The following ACMSD variants were observed in gnomAD, a reference collection of about 807,000 sequenced individuals.
ACMSD encodes the protein aminocarboxymuconate semialdehyde decarboxylase, also known as 2-amino-3-carboxymuconate-6-semialdehyde decarboxylase.
ACMSD carries 37 observed loss-of-function variants against 45.9 expected under a neutral mutation model. The ratio of observed to expected loss-of-function variants is 0.81; its 90% CI spans 0.62 to 1.06. The LOEUF (loss-of-function observed/expected upper bound fraction) is 1.06, where lower values mean the gene tolerates loss of function less well. ACMSD is among the 50% of genes least tolerant of loss of function. ACMSD has a pLI of 0.00. For missense variants in ACMSD, 434 were observed against 420.9 expected, an observed-to-expected ratio of 1.03 and a Z score of -0.27; for synonymous variants, 138 against 148.8, an observed-to-expected ratio of 0.93 and a Z score of 0.53.
At chr2:134,850,882 C>T (rs1294754688) in intron 2 of ACMSD, among the ~76,000 whole-genome samples, 2 of 152,084 alleles carry the variant, frequency 1.3e-5, no homozygotes, top group Non-Finnish European at 2.9e-5. Context: ...ATGATTGAAC[C>T]CGCCACCCAG....
chr2:134,845,508 G>GTTCTCT lies in ACMSD; in HGVS notation c.102+231_102+232insTTCTCT, dbSNP rs1339823151. ...ATTGGAATTTGAGAACACATTAAAA[G>GTTCTCT]GTCTCTCTCTCTCTCTCTCTCTCTC... On this transcript the variant is annotated intron_variant, in intron 2 of 9. Coordinates refer to ENST00000356140, the MANE Select transcript of ACMSD (RefSeq NM_138326.3). Among the ~76,000 whole-genome samples, 610 of 81,000 alleles carry GTTCTCT rather than the reference G, an allele frequency of 7.5e-3. 3 individuals carry two copies. Among genetic ancestry groups the GTTCTCT allele is most frequent in the Middle Eastern group, 0.059 (6 of 102 alleles). The allele number at this position is 81,000 out of a possible 152,430, so 53.1% of individuals were successfully genotyped here.
intron 8 of ACMSD, among the ~76,000 whole-genome samples, chr2:134,884,089 T>G (rs566868343): frequency 4.0e-4 from 61 of 152,270 alleles, no homozygotes; most frequent in Non-Finnish European, 7.8e-4. Context: ...ATAACAGGTA[T>G]GAAAAATGAA....
chr2:134,859,426 AC>A, intron 3 of ACMSD, 69 bp downstream of exon 3: 2 of 1,472,072 alleles, frequency 1.4e-6, no homozygotes, highest in Non-Finnish European at 1.9e-6. Flanking sequence ...AAGTTTGCTG[AC>A]AACTTTATGT....
chr2:134,886,623 A>T (rs1205790925), intron 8 of ACMSD, among the ~76,000 whole-genome samples: 3 of 151,678 alleles, frequency 2.0e-5, no homozygotes, highest in Admixed American at 6.6e-5. Flanking sequence ...AGATTGTCAT[A>T]AAAAAAATCA....
chr2:134,840,759 T>G (rs1175127128), intron 1 of ACMSD, among the ~76,000 whole-genome samples: 1 of 151,880 alleles, frequency 6.6e-6, no homozygotes. Context: ...TTTTTTATTT[T>G]TATGTATTTA....
At chr2:134,892,462 AAAAT>A (rs4055120) in intron 8 of ACMSD, among the ~76,000 whole-genome samples, 16,486 of 148,336 alleles carry the variant, frequency 0.11, 997 homozygotes, top group African/African-American at 0.15. Context: ...TGCTGTGGAA[AAAAT>A]AAATAAATAA....
chr2:134,850,628 T>C lies in ACMSD; in HGVS notation c.102+5351T>C, dbSNP rs542079249. 2.6e-5 allele frequency among the ~76,000 whole-genome samples: 4 copies of C among 151,246 alleles called. No individual in the cohort carries two copies. In the South Asian group the frequency reaches 6.3e-4, roughly 24 times the overall value. ...AACTGGCTGAAAGCCATTTATCTTG[T>C]CCAATACCTTCAAATGTTTTTAAGA... On this transcript the variant is annotated intron_variant, in intron 2 of 9. Coordinates refer to ENST00000356140, the MANE Select transcript of ACMSD (RefSeq NM_138326.3).
chr2:134,859,198 T>A (rs903040306), intron 2 of ACMSD, 63 bp from the exon 3 acceptor site: 1 of 1,318,740 alleles, frequency 7.6e-7, no homozygotes, highest in Non-Finnish European at 1.1e-6. Flanking sequence ...CTAAAGCACA[T>A]GAGGAAAGAT....
At chr2:134,849,813 ATGGGG>A (rs1453793364) in intron 2 of ACMSD, among the ~76,000 whole-genome samples, 3 of 152,166 alleles carry the variant, frequency 2.0e-5, no homozygotes, top group Non-Finnish European at 4.4e-5. Context: ...CAGGATCTGC[ATGGGG>A]TGGGAGCAGA....
Position 134,901,977 on chromosome 2 carries a change from C to A in ACMSD, c.*117C>A. Reference sequence around the variant, plus strand: ...ACTATTTTACTCAGAAATGAATGTCCCAAATATCCTAAATTATTCATAATA... The same window carrying A: ...ACTATTTTACTCAGAAATGAATGTCACAAATATCCTAAATTATTCATAATA... On this transcript the variant is annotated 3_prime_UTR_variant, in exon 10 of 10. Coordinates refer to ENST00000356140, the MANE Select transcript of ACMSD (RefSeq NM_138326.3). 2 of 563,318 alleles carry A rather than the reference C, an allele frequency of 3.6e-6. No homozygotes were observed. Among genetic ancestry groups the A allele is most frequent in the South Asian group, 4.0e-5 (1 of 24,694 alleles). 34.9% of individuals were successfully genotyped at this position (563,318 alleles called of 1,614,324 possible). A position where few individuals can be genotyped will look rare whatever the true frequency, so the allele number is the denominator to read the frequency against.
At chr2:134,845,509 G>GTCTCTCTCTCTCTCTCTC (rs59782657) in intron 2 of ACMSD, among the ~76,000 whole-genome samples, 13 of 94,440 alleles carry the variant, frequency 1.4e-4, no homozygotes, top group Admixed American at 3.1e-4. Flanking sequence ...ACATTAAAAG[G>GTCTCTCTCTCTCTCTCTC]TCTCTCTCTC....
intron 8 of ACMSD, among the ~76,000 whole-genome samples, chr2:134,880,362 T>C (rs1472516981): frequency 6.6e-6 from 1 of 152,224 alleles, no homozygotes; most frequent in African/African-American, 2.4e-5. Context: ...TGGTGGATCC[T>C]TTCATTCTGT....
chr2:134,889,433 T>G (rs1689649428), intron 8 of ACMSD, among the ~76,000 whole-genome samples: 1 of 152,096 alleles, frequency 6.6e-6, no homozygotes. Context: ...CTAGAACATT[T>G]TGTACCTGAA....
intron 8 of ACMSD, among the ~76,000 whole-genome samples, chr2:134,881,347 A>C (rs2104913623): frequency 6.6e-6 from 1 of 152,296 alleles, no homozygotes; most frequent in East Asian, 1.9e-4. Flanking sequence ...TGTTCTGTAA[A>C]ATAGAAAGTA....
At chr2:134,862,109 G>C in intron 4 of ACMSD, 91 bp downstream of exon 4, 1 of 1,384,386 alleles carries the variant, frequency 7.2e-7, no homozygotes, top group East Asian at 2.3e-5. Context: ...TTGGACACCA[G>C]TACCACTAAC....
chr2:134,880,954 T>C lies in ACMSD; in HGVS notation c.849+8313T>C, dbSNP rs904068382. Among the ~76,000 whole-genome samples the C allele has an allele frequency of 4.6e-5, 7 of 152,214 alleles. No homozygotes were observed. In the South Asian group the frequency reaches 1.0e-3, roughly 23 times the overall value. On this transcript the variant is annotated intron_variant, in intron 8 of 9. Transcript: ENST00000356140. ...TTTTAACGGGCCTGTTTCTGCAAGT[T>C]AGACTTTCCGCCACCCCAACCAAAA...
At chr2:134,860,855 A>C (rs1368803174) in intron 3 of ACMSD, among the ~76,000 whole-genome samples, 1 of 107,594 alleles carries the variant, frequency 9.3e-6, no homozygotes, top group Non-Finnish European at 1.9e-5. Flanking sequence ...CCCTGTCTCC[A>C]CAAAAAAAAA....
chr2:134,860,035 G>C (rs1236799189), intron 3 of ACMSD, among the ~76,000 whole-genome samples: 2 of 152,176 alleles, frequency 1.3e-5, no homozygotes, highest in Non-Finnish European at 2.9e-5. Flanking sequence ...GGCCAAGGCA[G>C]GTGGATCACC....
At chr2:134,877,172 T>C (rs1364421760) in intron 8 of ACMSD, among the ~76,000 whole-genome samples, 1 of 152,170 alleles carries the variant, frequency 6.6e-6, no homozygotes, top group African/African-American at 2.4e-5. Flanking sequence ...ATAATAGTAG[T>C]AATAATGCAT....
Sources: allele counts gnomAD v4.1 joint callset (sites outside exome capture counted in the v4.1 genomes callset), GRCh38; gene constraint gnomAD v4.1.1; transcripts MANE v1.5; gene names NCBI Gene and HGNC (gene_info 2026-07-23, HGNC 2026-07-21).